TBL1XR1: variants seen among roughly 807,000 people sequenced by gnomAD.
The protein encoded by TBL1XR1 is TBL1X/Y related 1.
In TBL1XR1, 5 loss-of-function variants were observed where a neutral mutation model predicts 66.9. The ratio of observed to expected loss-of-function variants is 0.07; its 90% CI spans 0.04 to 0.16. The LOEUF (loss-of-function observed/expected upper bound fraction) is 0.16. Ranked by LOEUF, TBL1XR1 falls within the 10% of genes least tolerant of loss-of-function variation. The probability of loss-of-function intolerance (pLI) is 1.00; values close to 1 mark genes in which losing one functional copy is unlikely to be tolerated. For synonymous variants in TBL1XR1, 210 were observed against 206.0 expected, an observed-to-expected ratio of 1.02 and a Z score of -0.17; for missense variants, 238 against 623.2, an observed-to-expected ratio of 0.38 and a Z score of 6.58.
chr3:177,065,137 T>C (rs1718989987), intron 2 of TBL1XR1, 115 bp from the exon 3 acceptor site: 2 of 609,186 alleles, frequency 3.3e-6, no homozygotes, highest in South Asian at 1.0e-4. Flanking sequence ...AGGTTCTACA[T>C]TGCCTAATAA....
At chr3:177,081,812 A>T (rs891556632) in intron 2 of TBL1XR1, among the ~76,000 whole-genome samples, 37 of 151,896 alleles carry the variant, frequency 2.4e-4, no homozygotes, top group African/African-American at 8.9e-4. Context: ...AATTAATAGT[A>T]TTGTCTTTAG....
At chr3:177,030,921 G>A (rs909430919) in intron 14 of TBL1XR1, among the ~76,000 whole-genome samples, 1 of 152,116 alleles carries the variant, frequency 6.6e-6, no homozygotes, top group African/African-American at 2.4e-5. Flanking sequence ...GGACCAGCCT[G>A]GCCAACATGG....
chr3:177,031,339 T>A (rs141951878), intron 14 of TBL1XR1, among the ~76,000 whole-genome samples: 17 of 151,792 alleles, frequency 1.1e-4, no homozygotes, highest in African/African-American at 3.9e-4. Context: ...ACTTAATTTT[T>A]ATTTTTTTTT....
chr3:177,150,070 C>T (rs1013432887), intron 1 of TBL1XR1, among the ~76,000 whole-genome samples: 4 of 152,064 alleles, frequency 2.6e-5, no homozygotes, highest in Non-Finnish European at 5.9e-5. Flanking sequence ...CACAAAGTCC[C>T]GTTTTTTCTC....
chr3:177,147,030 CAAGGA>C (rs921359144), intron 1 of TBL1XR1, among the ~76,000 whole-genome samples: 1 of 151,368 alleles, frequency 6.6e-6, no homozygotes, highest in Non-Finnish European at 1.5e-5. Context: ...ACTGCTTCAT[CAAGGA>C]GATTCCTAAG....
intron 7 of TBL1XR1, among the ~76,000 whole-genome samples, chr3:177,048,358 G>A (rs1716601319): frequency 6.6e-6 from 1 of 152,158 alleles, no homozygotes; most frequent in African/African-American, 2.4e-5. Context: ...AAACATTACT[G>A]GAGAATGAAA....
chr3:177,069,837 G>A (rs1035581209), intron 2 of TBL1XR1, among the ~76,000 whole-genome samples: 15 of 143,464 alleles, frequency 1.0e-4, no homozygotes, highest in Non-Finnish European at 1.9e-4. Flanking sequence ...AGGAAGGAAG[G>A]AAGGAAGGAA....
chr3:177,044,595 T>C (rs529320486), intron 10 of TBL1XR1, among the ~76,000 whole-genome samples: 1 of 152,292 alleles, frequency 6.6e-6, no homozygotes, highest in East Asian at 1.9e-4. Flanking sequence ...ATAGTTTCAA[T>C]GGTGTATACA....
At chr3:177,119,180 C>T (rs745388267) in intron 1 of TBL1XR1, among the ~76,000 whole-genome samples, 9 of 152,086 alleles carry the variant, frequency 5.9e-5, no homozygotes, top group Admixed American at 1.3e-4. Flanking sequence ...CCATGTTGGC[C>T]GGGCTGGTCT....
At chr3:177,188,485 T>A (rs1577434474) in intron 1 of TBL1XR1, among the ~76,000 whole-genome samples, 1 of 151,748 alleles carries the variant, frequency 6.6e-6, no homozygotes, top group African/African-American at 2.4e-5. Context: ...AGGTGGAGGG[T>A]GCAGTGAGCC....
chr3:177,111,654 G>A (rs557678431), intron 1 of TBL1XR1, among the ~76,000 whole-genome samples: 3 of 152,096 alleles, frequency 2.0e-5, no homozygotes, highest in African/African-American at 7.2e-5. Flanking sequence ...CCCAATCCAC[G>A]AAGGATATGC....
rs568475540 is a variant in TBL1XR1, at chr3:177,126,869, A to G, written c.-121-28328T>C. Among the ~76,000 whole-genome samples the G allele has an allele frequency of 8.7e-4, 132 of 151,908 alleles. 1 individual carries two copies. Among genetic ancestry groups the G allele is most frequent in the African/African-American group, 3.0e-3 (126 of 41,462 alleles). On this transcript the variant is annotated intron_variant, in intron 1 of 15. Coordinates refer to ENST00000457928, the MANE Select transcript of TBL1XR1 (RefSeq NM_024665.7). Reference sequence around the variant, plus strand: ...TTTTACAGAGAAATGCCCAAATCAAATCCTTTTCAAGTGACTGTACATAAT... The same window carrying G: ...TTTTACAGAGAAATGCCCAAATCAAGTCCTTTTCAAGTGACTGTACATAAT...
At chr3:177,106,122 G>A (rs1379677418) in intron 1 of TBL1XR1, among the ~76,000 whole-genome samples, 1 of 151,314 alleles carries the variant, frequency 6.6e-6, no homozygotes, top group Non-Finnish European at 1.5e-5. Context: ...AACAGAAAGG[G>A]GCCTAAAAAG....
In TBL1XR1 at chr3:177,020,072, G is replaced by A. The variant is rs920378500; in HGVS notation, c.*5426C>T. On this transcript the variant is annotated 3_prime_UTR_variant, in exon 16 of 16. Transcript: ENST00000457928. ...AGTTGGTATTAATTAAAACTAGAAGGTGTCTAGTTGTTTTTCTTATAAAGT... is the reference window on the plus strand; with the variant it reads ...AGTTGGTATTAATTAAAACTAGAAGATGTCTAGTTGTTTTTCTTATAAAGT... 1 of 151,090 alleles carries A rather than the reference G, an allele frequency of 6.6e-6. No homozygotes were observed. Among genetic ancestry groups the A allele is most frequent in the Non-Finnish European group, 1.5e-5 (1 of 67,774 alleles). 9.4% of individuals were successfully genotyped at this position (151,090 alleles called of 1,614,324 possible).
intron 1 of TBL1XR1, among the ~76,000 whole-genome samples, chr3:177,144,585 CT>C (rs1410647166): frequency 2.6e-5 from 4 of 151,326 alleles, no homozygotes; most frequent in African/African-American, 9.8e-5. Flanking sequence ...AACCCCATCT[CT>C]ACTTTAGAAA....
chr3:177,181,915 C>T (rs903405201), intron 1 of TBL1XR1, among the ~76,000 whole-genome samples: 1 of 152,034 alleles, frequency 6.6e-6, no homozygotes, highest in African/African-American at 2.4e-5. Context: ...CAAATAACAC[C>T]CCAATTCAGG....
At chr3:177,037,946 TAAAA>T in intron 12 of TBL1XR1, 148 bp downstream of exon 12, 1 of 609,556 alleles carries the variant, frequency 1.6e-6, no homozygotes, top group Non-Finnish European at 2.8e-6. Context: ...CTATAAAATT[TAAAA>T]AACAATGGTT....
chr3:177,073,365 G>A (rs1421733905), intron 2 of TBL1XR1, among the ~76,000 whole-genome samples: 3 of 152,110 alleles, frequency 2.0e-5, no homozygotes, highest in South Asian at 2.1e-4. Context: ...TTTCTGTTGT[G>A]TTCATGTTGG....
intron 10 of TBL1XR1, among the ~76,000 whole-genome samples, chr3:177,044,633 G>T (rs1320664179): frequency 6.6e-6 from 1 of 152,112 alleles, no homozygotes; most frequent in Non-Finnish European, 1.5e-5. Context: ...AATGGTTCAA[G>T]TAAAATACAT....
Sources: allele counts gnomAD v4.1 joint callset (sites outside exome capture counted in the v4.1 genomes callset), GRCh38; gene constraint gnomAD v4.1.1; transcripts MANE v1.5; gene names NCBI Gene and HGNC (gene_info 2026-07-23, HGNC 2026-07-21).